Variants in PVT1 observed in about 807,000 individuals in gnomAD.
PVT1 encodes Pvt1 oncogene.
chr8:128,025,198 G>T (rs564124139), intron 4 of PVT1, among the ~76,000 whole-genome samples: 1 of 152,280 alleles, frequency 6.6e-6, no homozygotes, highest in African/African-American at 2.4e-5. Context: ...CCACACTTGT[G>T]TATTTGCTCA....
At chr8:127,997,947 T>C (rs563742782) in intron 4 of PVT1, among the ~76,000 whole-genome samples, 2 of 152,338 alleles carry the variant, frequency 1.3e-5, no homozygotes, top group South Asian at 2.1e-4. Context: ...TTTTGACTGG[T>C]CAGGTATTTC....
chr8:128,016,867 C>T (rs1296303396), intron 4 of PVT1, among the ~76,000 whole-genome samples: 2 of 152,128 alleles, frequency 1.3e-5, no homozygotes, highest in African/African-American at 4.8e-5. Context: ...GGATGAGTTC[C>T]CTGCCATTCC....
At chr8:128,009,003 T>C in intron 4 of PVT1, 1 of 496,692 alleles carries the variant, frequency 2.0e-6, no homozygotes. Context: ...TCCCAGGCAG[T>C]ATAAATATAT....
At chr8:128,073,552 G>A (rs1814026648) in intron 5 of PVT1, among the ~76,000 whole-genome samples, 1 of 152,104 alleles carries the variant, frequency 6.6e-6, no homozygotes, top group Non-Finnish European at 1.5e-5. Flanking sequence ...CTAGCAATGA[G>A]CTCCCAGGCA....
At chr8:127,919,685 T>C (rs557768058) in intron 3 of PVT1, among the ~76,000 whole-genome samples, 49 of 152,270 alleles carry the variant, frequency 3.2e-4, no homozygotes, top group African/African-American at 1.2e-3. Context: ...TGGCCTCTGA[T>C]CAGGGTCCCT....
chr8:127,811,010 A>G (rs1242711047), intron 2 of PVT1, among the ~76,000 whole-genome samples: 1 of 152,154 alleles, frequency 6.6e-6, no homozygotes, highest in Non-Finnish European at 1.5e-5. Flanking sequence ...GCTGTTTAGG[A>G]GGATGAGTAG....
chr8:127,848,182 G>A (rs184950123), intron 2 of PVT1, among the ~76,000 whole-genome samples: 8 of 152,294 alleles, frequency 5.3e-5, no homozygotes, highest in Admixed American at 2.6e-4. Context: ...GAGGTAAAAC[G>A]TCAGTTCTTA....
chr8:128,049,141 G>A (rs747573160), intron 4 of PVT1: 4 of 527,156 alleles, frequency 7.6e-6, no homozygotes, highest in South Asian at 4.2e-5. Context: ...CTGGCCGCCA[G>A]GCCTCCATGT....
chr8:127,864,551 C>T (rs1712192247), intron 2 of PVT1, among the ~76,000 whole-genome samples: 1 of 151,790 alleles, frequency 6.6e-6, no homozygotes, highest in Non-Finnish European at 1.5e-5. Context: ...CAGGATATTT[C>T]TTTCTTTTTT....
At chr8:128,084,401 C>G (rs924076317) in intron 5 of PVT1, among the ~76,000 whole-genome samples, 1 of 152,208 alleles carries the variant, frequency 6.6e-6, no homozygotes, top group Non-Finnish European at 1.5e-5. Flanking sequence ...TGGCTCTCTG[C>G]TCAGATGTCA....
intron 2 of PVT1, among the ~76,000 whole-genome samples, chr8:127,827,432 T>TGG (rs1283058192): frequency 8.5e-5 from 13 of 152,180 alleles, no homozygotes; most frequent in Non-Finnish European, 1.8e-4. Flanking sequence ...CTCCTCTGGT[T>TGG]CACCCCCTGG....
chr8:128,075,655 CAT>C, intron 5 of PVT1, among the ~76,000 whole-genome samples: 1 of 152,280 alleles, frequency 6.6e-6, no homozygotes, highest in Admixed American at 6.5e-5. Context: ...TACGCATGCA[CAT>C]ATACACACTG....
chr8:127,873,257 A>G (rs1815371660), intron 2 of PVT1, among the ~76,000 whole-genome samples: 1 of 152,138 alleles, frequency 6.6e-6, no homozygotes, highest in Non-Finnish European at 1.5e-5. Flanking sequence ...CATGACACAC[A>G]CCTGATTTAC....
intron 3 of PVT1, among the ~76,000 whole-genome samples, chr8:127,910,879 G>A (rs891749765): frequency 7.9e-5 from 11 of 139,470 alleles, no homozygotes; most frequent in Admixed American, 1.4e-4. Flanking sequence ...TCAGTCTGCT[G>A]TGTGTGTGTG....
intron 4 of PVT1, among the ~76,000 whole-genome samples, chr8:128,029,540 G>A (rs1333403949): frequency 6.6e-6 from 1 of 152,118 alleles, no homozygotes; most frequent in Non-Finnish European, 1.5e-5. Context: ...GGTGGCTCAC[G>A]CCTGTAATCC....
intron 3 of PVT1, chr8:127,960,824 A>G (rs1463580418): frequency 3.7e-6 from 1 of 271,268 alleles, no homozygotes; most frequent in African/African-American, 2.3e-5. Flanking sequence ...GCAATAGTTT[A>G]ATTGAGCACA....
intron 2 of PVT1, among the ~76,000 whole-genome samples, chr8:127,869,473 A>C (rs1815327612): frequency 6.6e-6 from 1 of 152,154 alleles, no homozygotes; most frequent in Non-Finnish European, 1.5e-5. Context: ...GATGCTTTCA[A>C]ATATGTATTG....
chr8:128,067,189 G>A (rs1286929051), intron 4 of PVT1, among the ~76,000 whole-genome samples: 3 of 152,056 alleles, frequency 2.0e-5, no homozygotes, highest in South Asian at 2.1e-4. Context: ...TTGAAGTCTC[G>A]ACTCCCTAAC....
intron 2 of PVT1, among the ~76,000 whole-genome samples, chr8:127,817,216 G>C (rs913038458): frequency 6.6e-6 from 1 of 151,744 alleles, no homozygotes; most frequent in Admixed American, 6.6e-5. Flanking sequence ...TTGGTGTGAT[G>C]GTTGAGAGCG....
Sources: gnomAD v4.1 joint callset for allele counts (sites outside exome capture counted in the v4.1 genomes callset) on GRCh38, gnomAD v4.1.1 for gene constraint, MANE v1.5 for transcripts, NCBI Gene and HGNC (gene_info 2026-07-23, HGNC 2026-07-21) for gene names.